The following DDX10 variants were observed in gnomAD, a reference collection of about 807,000 sequenced individuals.
DDX10 encodes probable ATP-dependent RNA helicase DDX10.
In DDX10, 74 loss-of-function variants were observed where a neutral mutation model predicts 104.3. That is an observed-to-expected ratio of 0.71 (90% CI 0.59 to 0.86). The LOEUF (loss-of-function observed/expected upper bound fraction) is 0.86, where lower values mean the gene tolerates loss of function less well. Among genes scored for constraint, DDX10 ranks in the 40% least tolerant of loss-of-function variants. The pLI, the probability that DDX10 is intolerant of heterozygous loss-of-function variation, is 0.00. For synonymous variants in DDX10, 351 were observed against 353.4 expected (o/e 0.99, Z 0.08); for missense variants, 952 against 1,040.0 (o/e 0.92, Z 1.16).
At chr11:108,701,955 GT>G (rs1469139517) in intron 9 of DDX10, among the ~76,000 whole-genome samples, 1 of 152,090 alleles carries the variant, frequency 6.6e-6, no homozygotes, top group Non-Finnish European at 1.5e-5. Flanking sequence ...AAGTGCTGGG[GT>G]TACAGGCGTG....
chr11:108,837,092 A>G (rs1862565668), intron 13 of DDX10, among the ~76,000 whole-genome samples: 1 of 152,190 alleles, frequency 6.6e-6, no homozygotes. Flanking sequence ...AAATCAATGT[A>G]TAAAAGTGGT....
intron 13 of DDX10, among the ~76,000 whole-genome samples, chr11:108,796,450 G>A (rs12285879): frequency 0.03 from 4,631 of 152,272 alleles, 239 homozygotes; most frequent in African/African-American, 0.1. Flanking sequence ...AATGGTGGAT[G>A]AAGGTCTTGG....
At chr11:108,814,926 C>G (rs1456196627) in intron 13 of DDX10, among the ~76,000 whole-genome samples, 1 of 152,174 alleles carries the variant, frequency 6.6e-6, no homozygotes, top group Non-Finnish European at 1.5e-5. Context: ...GATGAGGGCT[C>G]ATTGCCCAGC....
intron 13 of DDX10, among the ~76,000 whole-genome samples, chr11:108,837,676 G>A (rs182755055): frequency 1.5e-5 from 2 of 131,210 alleles, no homozygotes; most frequent in Non-Finnish European, 1.6e-5. Context: ...AGGCTGAGGT[G>A]GAATGGTGTG....
intron 13 of DDX10, among the ~76,000 whole-genome samples, chr11:108,827,712 C>G (rs111278910): frequency 9.2e-4 from 140 of 152,146 alleles, no homozygotes; most frequent in Non-Finnish European, 1.6e-3. Flanking sequence ...CATTGCCCAC[C>G]CTGCTCCCCA....
intron 9 of DDX10, among the ~76,000 whole-genome samples, chr11:108,701,887 T>G (rs1206944297): frequency 6.6e-6 from 1 of 152,124 alleles, no homozygotes; most frequent in Non-Finnish European, 1.5e-5. Context: ...GGTTTTGCCA[T>G]GTTGGCCAGA....
chr11:108,892,571 G>A lies in DDX10; in HGVS notation c.2305-25302G>A, dbSNP rs117234025. ...CTGTAGTAATGCCCGTGCAATCAGCGTTTTTAAAGACATACCTGAAATAAT... is the reference window on the plus strand; with the variant it reads ...CTGTAGTAATGCCCGTGCAATCAGCATTTTTAAAGACATACCTGAAATAAT... On this transcript the variant is annotated intron_variant, in intron 16 of 17. Transcript: ENST00000322536. Among the ~76,000 whole-genome samples the A allele has an allele frequency of 3.3e-3, 502 of 151,990 alleles. 1 individual carries two copies. The highest frequency in any genetic ancestry group is 6.0e-3 in the Non-Finnish European group (410 of 67,982).
intron 13 of DDX10, among the ~76,000 whole-genome samples, chr11:108,831,706 GTTTTA>G (rs1274773305): frequency 1.3e-5 from 2 of 151,798 alleles, no homozygotes; most frequent in Non-Finnish European, 2.9e-5. Context: ...TTTAACAATA[GTTTTA>G]TTTTCTTTTG....
At chr11:108,682,779 A>G (rs2094237391) in intron 6 of DDX10, among the ~76,000 whole-genome samples, 1 of 151,968 alleles carries the variant, frequency 6.6e-6, no homozygotes, top group African/African-American at 2.4e-5. Context: ...TGCTCAGATA[A>G]TTTCCTTTTT....
At chr11:108,789,434 C>G (rs1861839940) in intron 13 of DDX10, among the ~76,000 whole-genome samples, 1 of 152,178 alleles carries the variant, frequency 6.6e-6, no homozygotes, top group Non-Finnish European at 1.5e-5. Context: ...ATATACTCTG[C>G]ATCATTCAGT....
intron 14 of DDX10, 133 bp from the exon 15 acceptor site, chr11:108,841,182 A>T (rs1009217854): frequency 1.4e-6 from 1 of 699,174 alleles, no homozygotes; most frequent in African/African-American, 1.8e-5. Context: ...TGATTAGAAG[A>T]TTAAATAATA....
chr11:108,672,250 G>T (rs2094218135), intron 1 of DDX10, among the ~76,000 whole-genome samples: 1 of 152,072 alleles, frequency 6.6e-6, no homozygotes, highest in Non-Finnish European at 1.5e-5. Flanking sequence ...TGTGTCTCTT[G>T]CTGGGGATTG....
At chr11:108,701,743 G>T (rs1432487020) in intron 9 of DDX10, among the ~76,000 whole-genome samples, 1 of 129,018 alleles carries the variant, frequency 7.8e-6, no homozygotes, top group Admixed American at 9.2e-5. Context: ...GTGGAGTGCA[G>T]TGGCGCGATC....
In DDX10 at chr11:108,831,421, CAAAAAAAA is replaced by C. The variant is rs779264219; in HGVS notation, c.1966-7008_1966-7001del. On this transcript the variant is annotated intron_variant, in intron 13 of 17. Transcript: ENST00000322536. ...GCCTGGTGACAGAGCGAGACTGTCTCAAAAAAAAAAAAAAAAAAAAAAAAGAAATGCTC... is the reference window on the plus strand; with the variant it reads ...GCCTGGTGACAGAGCGAGACTGTCTCAAAAAAAAAAAAAAAAGAAATGCTC... 8.6e-5 allele frequency among the ~76,000 whole-genome samples: 6 copies of C among 69,810 alleles called. No homozygotes were observed. In the East Asian group the frequency reaches 2.6e-3, roughly 30 times the overall value. The allele number at this position is 69,810 out of a possible 152,430, so 45.8% of individuals were successfully genotyped here.
At chr11:108,736,652 G>T (rs2094318810) in intron 13 of DDX10, among the ~76,000 whole-genome samples, 1 of 152,158 alleles carries the variant, frequency 6.6e-6, no homozygotes, top group Non-Finnish European at 1.5e-5. Context: ...TTCTTGTAGT[G>T]TTCTTCCAGC....
intron 15 of DDX10, 27 bp from the exon 16 acceptor site, chr11:108,852,126 A>G: frequency 6.3e-7 from 1 of 1,585,066 alleles, no homozygotes; most frequent in Non-Finnish European, 8.6e-7. Flanking sequence ...ATATGCTGCT[A>G]ATTTTTCTCC....
At chr11:108,927,784 TGC>T (rs1863927133) in intron 17 of DDX10, among the ~76,000 whole-genome samples, 1 of 152,048 alleles carries the variant, frequency 6.6e-6, no homozygotes, top group African/African-American at 2.4e-5. Context: ...ACTACAGGCG[TGC>T]GCCACCATGC....
At chr11:108,918,116 ATGTT>A (rs1863776747) in intron 17 of DDX10, 98 bp downstream of exon 17, 2 of 1,258,836 alleles carry the variant, frequency 1.6e-6, no homozygotes, top group Admixed American at 4.1e-5. Flanking sequence ...ACTCCAAGAG[ATGTT>A]TGTTGCTTTT....
At chr11:108,752,827 A>G (rs113897988) in intron 13 of DDX10, among the ~76,000 whole-genome samples, 4 of 152,250 alleles carry the variant, frequency 2.6e-5, no homozygotes, top group African/African-American at 9.6e-5. Context: ...CTTAGGAGAT[A>G]AAGGAATATA....
Sources: allele counts gnomAD v4.1 joint callset (sites outside exome capture counted in the v4.1 genomes callset), GRCh38; gene constraint gnomAD v4.1.1; transcripts MANE v1.5; gene names NCBI Gene and HGNC (gene_info 2026-07-23, HGNC 2026-07-21).